TRIM15: variants seen among roughly 807,000 people sequenced by gnomAD.
TRIM15 encodes the protein E3 ubiquitin-protein ligase TRIM15.
A neutral mutation model predicts 35.8 loss-of-function variants in TRIM15; 35 were observed. The ratio of observed to expected loss-of-function variants is 0.98; its 90% CI spans 0.75 to 1.30. TRIM15 has a LOEUF of 1.30. Ranked by LOEUF, TRIM15 falls within the 50% of genes most tolerant of loss-of-function variation. The pLI, the probability that TRIM15 is intolerant of heterozygous loss-of-function variation, is 0.00. For missense variants in TRIM15, 590 were observed against 593.5 expected (o/e 0.99, Z 0.06); for synonymous variants, 252 against 249.8 (o/e 1.01, Z -0.08).
chr6:30,164,013 C>T lies in TRIM15; in HGVS notation c.329C>T (p.Thr110Met), dbSNP rs535327618. ...TGTGTGTTCTGCAGGGAGGGTCCCA[C>T]GCACCAGGCGCACACCGTGGGGTTC... ...FLCVFCREGP[T>M]HQAHTVGFLD... The change falls in exon 1 of 7, where the codon ACG (threonine) becomes ATG (methionine). Residue 110 changes from threonine to methionine, a missense_variant. Physicochemically the swap from Thr to Met is moderately conservative, Grantham distance 81. Transcript: ENST00000376694. 1.2e-6 allele frequency: 2 copies of T among 1,613,054 alleles called. No homozygotes were observed. Among genetic ancestry groups the T allele is most frequent in the Admixed American group, 3.3e-5 (2 of 60,030 alleles).
chr6:30,172,528 C>A lies in TRIM15; in HGVS notation c.*179C>A. ...TTATCTTAGGCCCTCAGCTCCCTGA[C>A]GTCCTGAGCCTCCCTGTGACGCTCT... On this transcript the variant is annotated 3_prime_UTR_variant, in exon 7 of 7. Coordinates refer to ENST00000376694, the MANE Select transcript of TRIM15 (RefSeq NM_033229.3). 1 of 905,412 alleles carries A rather than the reference C, an allele frequency of 1.1e-6. No individual in the cohort carries two copies. The highest frequency in any genetic ancestry group is 1.7e-6 in the Non-Finnish European group (1 of 591,272). 56.1% of individuals were successfully genotyped at this position (905,412 alleles called of 1,614,324 possible).
chr6:30,171,824 C>A lies in TRIM15; in HGVS notation c.881-8C>A, dbSNP rs759923778. 159 of 1,507,572 alleles carry A rather than the reference C, an allele frequency of 1.1e-4. No homozygotes were observed. The highest frequency in any genetic ancestry group is 1.4e-4 in the Non-Finnish European group (153 of 1,128,952). 93.4% of individuals were successfully genotyped at this position (1,507,572 alleles called of 1,614,324 possible). On this transcript the variant is annotated splice_polypyrimidine_tract_variant and splice_region_variant and intron_variant, in intron 6 of 6. Coordinates refer to ENST00000376694, the MANE Select transcript of TRIM15 (RefSeq NM_033229.3). ...CCGCTGTTGATGTCTGCGCGCTCCT[C>A]CCTCTAGGGGTCATCACTCTGGACC...
At position 30,172,432 on chromosome 6, in the gene TRIM15, G is replaced by A. The variant is rs1774109066; in HGVS notation, c.*83G>A. 9.9e-6 allele frequency: 15 copies of A among 1,516,392 alleles called. No individual in the cohort carries two copies. Among genetic ancestry groups the A allele is most frequent in the Non-Finnish European group, 1.2e-5 (14 of 1,136,812 alleles). 93.9% of individuals were successfully genotyped at this position (1,516,392 alleles called of 1,614,324 possible). Reference sequence around the variant, plus strand: ...GCCCCTGGCCAGTGTGCGGCCCGGGGGCTCCCTGTGCCCGCGTGAGGCGAG... The same window carrying A: ...GCCCCTGGCCAGTGTGCGGCCCGGGAGCTCCCTGTGCCCGCGTGAGGCGAG... On this transcript the variant is annotated 3_prime_UTR_variant, in exon 7 of 7. Coordinates refer to ENST00000376694, the MANE Select transcript of TRIM15 (RefSeq NM_033229.3).
chr6:30,172,026 G>T lies in TRIM15; in HGVS notation c.1075G>T (p.Asp359Tyr), dbSNP rs1309599832. Residue 359 changes from aspartate to tyrosine, a missense_variant, in exon 7 of 7, where the codon GAC becomes TAC. Coordinates refer to ENST00000376694, the MANE Select transcript of TRIM15 (RefSeq NM_033229.3). ...CTGGCAGGTTGACCTGCAGCTGGGC[G>T]ACGGCGGCGGCTGCACGGTGGGGGT... is the stretch of plus-strand genomic sequence containing the variant. ...HRWQVDLQLG[D>Y]GGGCTVGVAG... 7.0e-6 allele frequency: 11 copies of T among 1,572,346 alleles called. No homozygotes were observed.
chr6:30,169,113 A>G (rs1245764290), intron 3 of TRIM15, 128 bp from the exon 4 acceptor site: 1 of 1,129,690 alleles, frequency 8.9e-7, no homozygotes, highest in East Asian at 2.4e-5. Flanking sequence ...TGAGTAGGTA[A>G]TTAAACAGGA....
intron 4 of TRIM15, among the ~76,000 whole-genome samples, chr6:30,170,136 T>G (rs975871458): frequency 3.3e-5 from 5 of 152,110 alleles, no homozygotes; most frequent in Non-Finnish European, 5.9e-5. Flanking sequence ...CCTCTTTTCC[T>G]TTACAAATAG....
Position 30,170,496 on chromosome 6 carries a change from T to C in TRIM15, c.732-5T>C. On this transcript the variant is annotated splice_region_variant and splice_polypyrimidine_tract_variant and intron_variant, in intron 4 of 6. Coordinates refer to ENST00000376694, the MANE Select transcript of TRIM15 (RefSeq NM_033229.3). ...GACCTAACTGGTTACCAAACCTGTC[T>C]GCAGGTGTGAGATGAAGACTTTTGT... is the stretch of plus-strand genomic sequence containing the variant. The C allele has an allele frequency of 6.2e-7, 1 of 1,607,180 alleles. No individual in the cohort carries two copies. Among genetic ancestry groups the C allele is most frequent in the Non-Finnish European group, 8.5e-7 (1 of 1,174,126 alleles).
At chr6:30,167,859 C>T (rs147010208) in intron 2 of TRIM15, among the ~76,000 whole-genome samples, 77 of 152,276 alleles carry the variant, frequency 5.1e-4, no homozygotes, top group South Asian at 4.8e-3. Flanking sequence ...TCCCTCAGCT[C>T]TCATCAACGT....
intron 4 of TRIM15, chr6:30,169,788 G>A (rs1171209955): frequency 2.9e-6 from 1 of 344,408 alleles, no homozygotes; most frequent in African/African-American, 2.2e-5. Context: ...TTCCCTGTCT[G>A]CTATAAGCAT....
In TRIM15 at chr6:30,172,405, CCG is replaced by C. The variant is rs1774106473; in HGVS notation, c.*58_*59del. 1.0e-5 allele frequency: 16 copies of C among 1,538,214 alleles called. No individual in the cohort carries two copies. In the South Asian group the frequency reaches 2.0e-4, roughly 19 times the overall value. On this transcript the variant is annotated 3_prime_UTR_variant, in exon 7 of 7. Coordinates refer to ENST00000376694, the MANE Select transcript of TRIM15 (RefSeq NM_033229.3). ...GACGGCGGCTCTCCGGGATCCAGCT[CCG>C]CCCCTGGCCAGTGTGCGGCCCGGGG...
rs1170909387 is a variant in TRIM15 at position 30,164,048 on chromosome 6, G to A, written c.364G>A (p.Ala122Thr). ...GCACACCGTGGGGTTCCTGGACGAG[G>A]CCATTCAGCCCTACCGGGTAAGAAG... is the stretch of plus-strand genomic sequence containing the variant. ...QAHTVGFLDE[A>T]IQPYRDRLRS... Residue 122 changes from alanine (A) to threonine (T), a missense_variant, in exon 1 of 7, where the codon GCC becomes ACC. Physicochemically the swap from Ala to Thr is moderately conservative, Grantham distance 58 (BLOSUM62 0). Transcript: ENST00000376694. 2 of 1,612,130 alleles carry A rather than the reference G, an allele frequency of 1.2e-6. No homozygotes were observed. Among genetic ancestry groups the A allele is most frequent in the Non-Finnish European group, 1.7e-6 (2 of 1,179,460 alleles).
chr6:30,163,730 T>C lies in TRIM15; in HGVS notation c.46T>C (p.Cys16Arg). The change falls in exon 1 of 7, where the codon TGT (cysteine) becomes CGT (arginine). Residue 16 changes from cysteine to arginine, a missense_variant. Physicochemically the swap from Cys to Arg is radical, Grantham distance 180 (BLOSUM62 -3). Transcript: ENST00000376694. ...SLKVVHELPA[C>R]TLCAGPLEDA... ...GAAGGTGGTCCATGAGCTGCCTGCC[T>C]GTACCCTCTGTGCGGGGCCGCTGGA... The C allele has an allele frequency of 6.2e-7, 1 of 1,612,906 alleles. No homozygotes were observed. The highest frequency in any genetic ancestry group is 8.5e-7 in the Non-Finnish European group (1 of 1,180,002).
In TRIM15 at chr6:30,171,942, C is replaced by A. The variant is rs775890724; in HGVS notation, c.991C>A (p.Arg331Ser). Residue 331 changes from arginine (R) to serine (S), a missense_variant, in exon 7 of 7, where the codon CGC becomes AGC. Coordinates refer to ENST00000376694, the MANE Select transcript of TRIM15 (RefSeq NM_033229.3). ...GAAGAGCCTGCCAGACAGCCCCCTG[C>A]GCTTCGACGGCCTCCCGGCGGTTCT... ...QKKSLPDSPLRFDGLPAVLGF... is the reference protein window; with the variant it reads ...QKKSLPDSPLSFDGLPAVLGF... The A allele has an allele frequency of 1.9e-6, 3 of 1,596,670 alleles. No homozygotes were observed. The highest frequency in any genetic ancestry group is 2.3e-5 in the South Asian group (2 of 88,820).
At chr6:30,169,872 G>A (rs1018846) in intron 4 of TRIM15, 20,042 of 223,166 alleles carry the variant, frequency 0.09, 1,477 homozygotes, top group Middle Eastern at 0.21. Flanking sequence ...GCCTATTCCC[G>A]TGCAGGGAGG....
At position 30,167,653 on chromosome 6, in the gene TRIM15, C is replaced by T. The variant is rs144463979; in HGVS notation, c.477+382C>T. On this transcript the variant is annotated intron_variant, in intron 2 of 6. Transcript: ENST00000376694. ...CACCTTCAGATGGGAAGCTTGGGGT[C>T]AAAAACATATGTTAGTGTCGGGATT... 4.4e-3 allele frequency among the ~76,000 whole-genome samples: 663 copies of T among 152,314 alleles called. 2 individuals are homozygous for T. Among genetic ancestry groups the T allele is most frequent in the African/African-American group, 0.011 (469 of 41,578 alleles).
chr6:30,171,577 G>A (rs540636577), intron 6 of TRIM15, among the ~76,000 whole-genome samples: 16 of 152,322 alleles, frequency 1.1e-4, no homozygotes, highest in African/African-American at 3.8e-4. Context: ...TTAGTAGGGT[G>A]GGATGGGGCC....
intron 4 of TRIM15, 70 bp from the exon 5 acceptor site, chr6:30,170,431 C>A: frequency 1.1e-6 from 1 of 885,666 alleles, no homozygotes; most frequent in Non-Finnish European, 1.8e-6. Flanking sequence ...CTGATTTTAG[C>A]CTCACGTGGT....
intron 2 of TRIM15, among the ~76,000 whole-genome samples, chr6:30,167,544 C>A (rs1773692839): frequency 6.6e-6 from 1 of 152,210 alleles, no homozygotes; most frequent in African/African-American, 2.4e-5. Context: ...GGCCACATAG[C>A]AAAGCTGAAG....
At position 30,164,157 on chromosome 6, in the gene TRIM15, C is replaced by CT; in HGVS notation, c.381+94dup. 9 of 1,502,242 alleles carry CT rather than the reference C, an allele frequency of 6.0e-6. No individual in the cohort carries two copies. The East Asian group carries it at 9.1e-5, about 15-fold the overall frequency. The allele number at this position is 1,502,242 out of a possible 1,614,324, so 93.1% of individuals were successfully genotyped here. A position where few individuals can be genotyped will look rare whatever the true frequency, so the allele number is the denominator to read the frequency against. On this transcript the variant is annotated intron_variant, in intron 1 of 6. Coordinates refer to ENST00000376694, the MANE Select transcript of TRIM15 (RefSeq NM_033229.3). Reference sequence around the variant, plus strand: ...ATCGGGCGGGGATCTGGATGAAAGGCTTCCACATCAGGGAACCCTAAGGTT... The same window carrying CT: ...ATCGGGCGGGGATCTGGATGAAAGGCTTTCCACATCAGGGAACCCTAAGGTT...
Sources: gnomAD v4.1 joint callset for allele counts (sites outside exome capture counted in the v4.1 genomes callset) on GRCh38, gnomAD v4.1.1 for gene constraint, MANE v1.5 for transcripts, NCBI Gene and HGNC (gene_info 2026-07-23, HGNC 2026-07-21) for gene names.